Variants in EEFSEC observed in about 807,000 individuals in gnomAD.
EEFSEC encodes the protein selenocysteine-specific elongation factor.
EEFSEC carries 43 observed loss-of-function variants against 42.1 expected under a neutral mutation model. The ratio of observed to expected loss-of-function variants is 1.02; its 90% CI spans 0.80 to 1.32. The LOEUF is 1.32. Among genes scored for constraint, EEFSEC ranks in the 40% most tolerant of loss-of-function variants. EEFSEC has a pLI of 0.00. For synonymous variants in EEFSEC, 354 were observed against 339.1 expected, an observed-to-expected ratio of 1.04 and a Z score of -0.48; for missense variants, 745 against 803.6, an observed-to-expected ratio of 0.93 and a Z score of 0.88.
chr3:128,423,779 G>A, the EEFSEC span, among the ~76,000 whole-genome samples: 2 of 152,240 alleles, frequency 1.3e-5, no homozygotes, highest in Non-Finnish European at 2.9e-5. Flanking sequence ...TAAACATACA[G>A]AAGTTTGGAA....
At chr3:128,306,346 A>G (rs987442330) in intron 4 of EEFSEC, among the ~76,000 whole-genome samples, 1 of 152,126 alleles carries the variant, frequency 6.6e-6, no homozygotes, top group Non-Finnish European at 1.5e-5. Flanking sequence ...GTGCTTTACA[A>G]ATTTTGTTGC....
intron 2 of EEFSEC, among the ~76,000 whole-genome samples, chr3:128,254,779 G>A (rs141987090): frequency 1.3e-3 from 194 of 152,260 alleles, no homozygotes; most frequent in African/African-American, 4.1e-3. Flanking sequence ...TCCTGAGAGT[G>A]GGGAGGGGAG....
At chr3:128,314,531 A>T (rs998463300) in intron 4 of EEFSEC, among the ~76,000 whole-genome samples, 1 of 152,020 alleles carries the variant, frequency 6.6e-6, no homozygotes. Flanking sequence ...TTTTGTAGAG[A>T]TAGGGTTTTG....
intron 1 of EEFSEC, among the ~76,000 whole-genome samples, chr3:128,218,388 AG>A (rs1346326058): frequency 6.6e-6 from 1 of 152,228 alleles, no homozygotes; most frequent in Non-Finnish European, 1.5e-5. Flanking sequence ...TGCTTGATAG[AG>A]TGGCCAGACA....
chr3:128,312,145 C>T (rs2066896649), intron 4 of EEFSEC, among the ~76,000 whole-genome samples: 1 of 152,210 alleles, frequency 6.6e-6, no homozygotes, highest in Non-Finnish European at 1.5e-5. Flanking sequence ...TGAGACAGAA[C>T]TTGAGAAAGG....
At chr3:128,229,116 T>C (rs1468419795) in intron 1 of EEFSEC, among the ~76,000 whole-genome samples, 23 of 152,226 alleles carry the variant, frequency 1.5e-4, no homozygotes, top group Admixed American at 1.4e-3. Context: ...TGTCAGAGAC[T>C]GTTTGGAGCT....
chr3:128,179,707 G>A (rs1270220079), intron 1 of EEFSEC, among the ~76,000 whole-genome samples: 1 of 152,162 alleles, frequency 6.6e-6, no homozygotes, highest in Non-Finnish European at 1.5e-5. Flanking sequence ...ATTTAAAAGC[G>A]ATCGGTACTT....
chr3:128,341,409 G>T lies in EEFSEC; in HGVS notation c.963G>T (p.Lys321Asn), dbSNP rs1302084949. The T allele has an allele frequency of 6.2e-7, 1 of 1,614,166 alleles. No homozygotes were observed. The highest frequency in any genetic ancestry group is 2.2e-5 in the East Asian group (1 of 44,882). ...ATGCGGCCCTCATCTCTGTGGAAAA[G>T]ATACCGTATTTCCGGGGGCCCCTGC... ...TVHAALISVE[K>N]IPYFRGPLQT... The change falls in exon 5 of 7, where the codon AAG becomes AAT. Residue 321 changes from lysine to asparagine, a missense_variant. By Grantham distance (94) the Lys-to-Asn change is moderately conservative (BLOSUM62 0). Coordinates refer to ENST00000254730, the MANE Select transcript of EEFSEC (RefSeq NM_021937.5).
chr3:128,386,386 G>T (rs1185500750), intron 6 of EEFSEC, among the ~76,000 whole-genome samples: 1 of 152,120 alleles, frequency 6.6e-6, no homozygotes, highest in Non-Finnish European at 1.5e-5. Context: ...AGTTTCTCTT[G>T]AAAAGCAGGG....
At chr3:128,395,369 C>T (rs1238310854) in intron 6 of EEFSEC, among the ~76,000 whole-genome samples, 1 of 152,170 alleles carries the variant, frequency 6.6e-6, no homozygotes, top group African/African-American at 2.4e-5. Context: ...TCACTGAGAC[C>T]TGCCCAGGGA....
chr3:128,263,801 C>T lies in EEFSEC; in HGVS notation c.622-816C>T, dbSNP rs188230774. Among the ~76,000 whole-genome samples the T allele has an allele frequency of 1.4e-4, 21 of 152,324 alleles. 1 individual carries two copies. Among genetic ancestry groups the T allele is most frequent in the Non-Finnish European group, 2.9e-5 (2 of 68,032 alleles). On this transcript the variant is annotated intron_variant, in intron 3 of 6. Transcript: ENST00000254730. ...GGTGATGAGCCCTGACAGCATCTCC[C>T]GGCACACAGGTGGCATGAGGAGAAT...
chr3:128,209,093 G>C (rs535467152), intron 1 of EEFSEC, among the ~76,000 whole-genome samples: 60 of 152,324 alleles, frequency 3.9e-4, no homozygotes, highest in African/African-American at 1.4e-3. Context: ...AGCATACTTT[G>C]TAGAACATGT....
chr3:128,344,814 C>G (rs1031737684), intron 5 of EEFSEC, among the ~76,000 whole-genome samples: 1 of 152,194 alleles, frequency 6.6e-6, no homozygotes, highest in Non-Finnish European at 1.5e-5. Flanking sequence ...GAAGGATGGT[C>G]TTGACCTCAT....
At chr3:128,163,248 G>A (rs1224678629) in intron 1 of EEFSEC, among the ~76,000 whole-genome samples, 1 of 152,002 alleles carries the variant, frequency 6.6e-6, no homozygotes, top group Non-Finnish European at 1.5e-5. Context: ...TTCTGAGGCA[G>A]CCTCATGGTA....
At chr3:128,236,625 G>A (rs1420619241) in intron 1 of EEFSEC, among the ~76,000 whole-genome samples, 4 of 152,158 alleles carry the variant, frequency 2.6e-5, no homozygotes, top group Non-Finnish European at 5.9e-5. Flanking sequence ...TCATGTTTGA[G>A]CTATTTTTAT....
chr3:128,401,250 A>G (rs1171823822), intron 6 of EEFSEC, among the ~76,000 whole-genome samples: 1 of 152,194 alleles, frequency 6.6e-6, no homozygotes, highest in Non-Finnish European at 1.5e-5. Flanking sequence ...TCCTGGAGGC[A>G]GGGGTCCTGC....
intron 3 of EEFSEC, among the ~76,000 whole-genome samples, chr3:128,263,044 G>A (rs1334271073): frequency 2.0e-5 from 3 of 152,160 alleles, no homozygotes; most frequent in Non-Finnish European, 2.9e-5. Flanking sequence ...CACATACCTC[G>A]TGGAGTTGTG....
chr3:128,258,262 T>G (rs986244832), intron 2 of EEFSEC, among the ~76,000 whole-genome samples: 1 of 152,246 alleles, frequency 6.6e-6, no homozygotes, highest in Non-Finnish European at 1.5e-5. Flanking sequence ...GAAAGACCAT[T>G]GATGCCATCT....
At chr3:128,213,735 G>A (rs2065782406) in intron 1 of EEFSEC, among the ~76,000 whole-genome samples, 1 of 150,992 alleles carries the variant, frequency 6.6e-6, no homozygotes, top group Non-Finnish European at 1.5e-5. Context: ...ATGTACGTTA[G>A]AAAAAAATCA....
Sources: allele counts gnomAD v4.1 joint callset (sites outside exome capture counted in the v4.1 genomes callset), GRCh38; gene constraint gnomAD v4.1.1; transcripts MANE v1.5; gene names NCBI Gene and HGNC (gene_info 2026-07-23, HGNC 2026-07-21).